The following TTLL3 variants were observed in gnomAD, a reference collection of about 807,000 sequenced individuals.
TTLL3 encodes the protein tubulin tyrosine ligase like 3.
TTLL3 carries 63 observed loss-of-function variants against 75.2 expected under a neutral mutation model. The observed-to-expected ratio is 0.84, with a 90% confidence interval of 0.68 to 1.03. The LOEUF (loss-of-function observed/expected upper bound fraction) is 1.03, where lower values mean the gene tolerates loss of function less well. Among genes scored for constraint, TTLL3 ranks in the 50% least tolerant of loss-of-function variants. The pLI is 0.00. For synonymous variants in TTLL3, 393 were observed against 418.5 expected, an observed-to-expected ratio of 0.94 and a Z score of 0.74; for missense variants, 997 against 1,069.9, an observed-to-expected ratio of 0.93 and a Z score of 0.95.
chr3:9,813,224 C>T (rs780326881), intron 3 of TTLL3, 24 bp from the exon 4 acceptor site: 1 of 1,614,060 alleles, frequency 6.2e-7, no homozygotes, highest in Admixed American at 1.7e-5. Context: ...GGAAACTCAT[C>T]AGCTCTGGGC....
chr3:9,818,985 A>C, intron 7 of TTLL3, 65 bp downstream of exon 7: 2 of 1,605,130 alleles, frequency 1.2e-6, no homozygotes, highest in Non-Finnish European at 1.7e-6. Flanking sequence ...CCTTCCACCT[A>C]TCTGCCCTTC....
rs770632366 is a variant in TTLL3, at chr3:9,834,826, T to C, written c.1971T>C (p.Thr657=). Residue 657 remains threonine, a synonymous_variant, in exon 13 of 14, where the codon ACT becomes ACC. Coordinates refer to ENST00000685419, the MANE Select transcript of TTLL3 (RefSeq NM_001387446.1). ...CGACCACAGGCAAGGCCTTGAGGACTCTACCCACGGCTAAGGTCTTCATTT... is the reference window on the plus strand; with the variant it reads ...CGACCACAGGCAAGGCCTTGAGGACCCTACCCACGGCTAAGGTCTTCATTT... ...ALSTTGKALR[T]LPTAKVFISL... is the part of the protein sequence containing the mutation. The C allele has an allele frequency of 1.9e-6, 3 of 1,614,106 alleles. No individual in the cohort carries two copies. Among genetic ancestry groups the C allele is most frequent in the African/African-American group, 2.7e-5 (2 of 74,924 alleles).
chr3:9,831,316 G>A (rs552765904), intron 11 of TTLL3, among the ~76,000 whole-genome samples: 15 of 152,308 alleles, frequency 9.8e-5, no homozygotes, highest in Non-Finnish European at 1.9e-4. Flanking sequence ...TCCTTATGGT[G>A]TGATTTACCT....
chr3:9,833,328 A>G, intron 12 of TTLL3, 83 bp downstream of exon 12: 1 of 1,573,110 alleles, frequency 6.4e-7, no homozygotes, highest in East Asian at 2.3e-5. Context: ...GTGAGAAGCC[A>G]GTCTCCACTG....
chr3:9,819,220 T>C (rs1575377285), intron 7 of TTLL3: 1 of 403,234 alleles, frequency 2.5e-6, no homozygotes, highest in Non-Finnish European at 4.6e-6. Flanking sequence ...TGATGTCAGC[T>C]CCATACTCCC....
chr3:9,812,930 T>G lies in TTLL3; in HGVS notation c.49-13T>G, dbSNP rs774684464. The G allele has an allele frequency of 2.0e-6, 3 of 1,490,556 alleles. No homozygotes were observed. Among genetic ancestry groups the G allele is most frequent in the Non-Finnish European group, 2.7e-6 (3 of 1,116,988 alleles). The allele number at this position is 1,490,556 out of a possible 1,614,324, so 92.3% of individuals were successfully genotyped here. A position where few individuals can be genotyped will look rare whatever the true frequency, so the allele number is the denominator to read the frequency against. On this transcript the variant is annotated splice_polypyrimidine_tract_variant and intron_variant, in intron 2 of 13. Transcript: ENST00000685419. Reference sequence around the variant, plus strand: ...AATACTTATTGAAGAAGTATCCTTCTCTCACATTGCAGCAGAAGAAGATCT... The same window carrying G: ...AATACTTATTGAAGAAGTATCCTTCGCTCACATTGCAGCAGAAGAAGATCT...
chr3:9,834,774 G>A lies in TTLL3; in HGVS notation c.1919G>A (p.Ser640Asn). 1.2e-6 allele frequency: 2 copies of A among 1,614,234 alleles called. No individual in the cohort carries two copies. Among genetic ancestry groups the A allele is most frequent in the Non-Finnish European group, 1.7e-6 (2 of 1,180,038 alleles). The change falls in exon 13 of 14, where the codon AGC becomes AAC. Residue 640 changes from serine (S) to asparagine (N), a missense_variant. By Grantham distance (46) the Ser-to-Asn change is conservative (BLOSUM62 1). Coordinates refer to ENST00000685419, the MANE Select transcript of TTLL3 (RefSeq NM_001387446.1). ...HQGQVLRRQH[S>N]KLVGTKALST... ...GGCCAGGTCCTCAGACGACAGCACA[G>A]CAAGCTGGTGGGCACTAAGGCCCTG...
At chr3:9,834,245 C>G (rs903712978) in intron 12 of TTLL3, 2 of 378,112 alleles carry the variant, frequency 5.3e-6, no homozygotes, top group South Asian at 1.9e-5. Context: ...CCAGGTTGCT[C>G]TCTCCAGCGC....
At chr3:9,831,565 C>T (rs1020020700) in intron 11 of TTLL3, among the ~76,000 whole-genome samples, 2 of 152,170 alleles carry the variant, frequency 1.3e-5, no homozygotes, top group African/African-American at 4.8e-5. Context: ...ATTAATTTTT[C>T]TGTAAGGTGC....
intron 7 of TTLL3, chr3:9,819,299 T>C: frequency 4.2e-6 from 1 of 235,296 alleles, no homozygotes; most frequent in Non-Finnish European, 8.3e-6. Context: ...CTACCTGCTA[T>C]TCCATTCTCC....
upstream of TTLL3, chr3:9,810,024 G>A (rs989026795): frequency 6.1e-6 from 8 of 1,313,272 alleles, no homozygotes; most frequent in South Asian, 6.3e-5. This position sits in a 1 kb window ranked among gnomAD's most constrained non-coding sequence, Gnocchi z 4.4. Flanking sequence ...GCCCCGACGC[G>A]CCACTGCTCC....
intron 10 of TTLL3, chr3:9,827,465 T>C (rs2081152203): frequency 2.8e-6 from 2 of 724,456 alleles, no homozygotes; most frequent in Non-Finnish European, 4.3e-6. Flanking sequence ...TGCAGTGGCA[T>C]GGTCACGGCT....
chr3:9,834,642 C>T (rs1261229642), intron 12 of TTLL3, 39 bp from the exon 13 acceptor site: 1 of 1,611,484 alleles, frequency 6.2e-7, no homozygotes, highest in South Asian at 1.1e-5. Context: ...CCACCTTGGG[C>T]CCCACCCCAG....
Position 9,835,263 on chromosome 3 carries a change from GC to G in TTLL3, c.2227del (p.Leu743Ter), listed in dbSNP as rs1193194900. On this transcript the variant is annotated frameshift_variant, in exon 14 of 14. Transcript: ENST00000685419. LOFTEE classifies it low-confidence loss of function (END_TRUNC). Reference sequence around the variant, plus strand: ...GAGGCCTGCCCCATGAAGAGGCTGAGCCCCCTGAAACCCCTGCCCCTTGTTG... The same window carrying G: ...GAGGCCTGCCCCATGAAGAGGCTGAGCCCCTGAAACCCCTGCCCCTTGTTG... ...RAEACPMKRL[S>X]PLKPLPLVGT... The G allele has an allele frequency of 6.2e-7, 1 of 1,614,184 alleles. No homozygotes were observed. The highest frequency in any genetic ancestry group is 1.3e-5 in the African/African-American group (1 of 75,058).
chr3:9,819,390 C>T (rs2080204659), intron 7 of TTLL3: 4 of 463,728 alleles, frequency 8.6e-6, no homozygotes, highest in Admixed American at 5.7e-5. Flanking sequence ...TCTTCCCATC[C>T]GTTTGTTAGT....
intron 8 of TTLL3, among the ~76,000 whole-genome samples, chr3:9,822,242 T>C (rs1047746830): frequency 1.3e-5 from 2 of 151,304 alleles, no homozygotes; most frequent in South Asian, 4.2e-4. Context: ...ATTTTTTGTG[T>C]ATTTTTAGTA....
At chr3:9,832,807 T>C (rs1251905630) in intron 11 of TTLL3, among the ~76,000 whole-genome samples, 1 of 152,184 alleles carries the variant, frequency 6.6e-6, no homozygotes, top group African/African-American at 2.4e-5. Context: ...CAGTGGCCTG[T>C]GCAGTGGAGC....
intron 11 of TTLL3, among the ~76,000 whole-genome samples, chr3:9,830,836 T>A (rs1013109498): frequency 6.6e-6 from 1 of 152,028 alleles, no homozygotes; most frequent in Non-Finnish European, 1.5e-5. Flanking sequence ...GGGGTCTTGC[T>A]CTGTTGCCTA....
Position 9,820,429 on chromosome 3 carries a change from A to G in TTLL3, c.659-117A>G, listed in dbSNP as rs2066392364. On this transcript the variant is annotated intron_variant, in intron 7 of 13. Transcript: ENST00000685419. ...CACATCCCAGGGCAGTAGGGGATCTATCTAGGTTCGTGCTGGGCCTCAGGT... is the reference window on the plus strand; with the variant it reads ...CACATCCCAGGGCAGTAGGGGATCTGTCTAGGTTCGTGCTGGGCCTCAGGT... 3 of 1,548,856 alleles carry G rather than the reference A, an allele frequency of 1.9e-6. No individual in the cohort carries two copies. The Admixed American group carries it at 5.7e-5, about 29-fold the overall frequency.
Sources: gnomAD v4.1 joint callset for allele counts (sites outside exome capture counted in the v4.1 genomes callset) on GRCh38, gnomAD v4.1.1 for gene constraint, Gnocchi (gnomAD v3.1) non-coding constraint, MANE v1.5 for transcripts, NCBI Gene and HGNC (gene_info 2026-07-23, HGNC 2026-07-21) for gene names.